CNTN5: variants seen among roughly 807,000 people sequenced by gnomAD.
The protein encoded by CNTN5 is contactin 5.
Under a neutral mutation model 129.1 loss-of-function variants are expected in CNTN5, and 77 were observed. The ratio of observed to expected loss-of-function variants is 0.60; its 90% CI spans 0.50 to 0.72. The LOEUF (loss-of-function observed/expected upper bound fraction) is 0.72. Among genes scored for constraint, CNTN5 ranks in the 30% least tolerant of loss-of-function variants. The pLI is 0.00. For synonymous variants in CNTN5, 509 were observed against 465.6 expected, an observed-to-expected ratio of 1.09 and a Z score of -1.20; for missense variants, 1,478 against 1,328.8, an observed-to-expected ratio of 1.11 and a Z score of -1.75.
At chr11:100,340,781 A>G (rs1254487747) in intron 22 of CNTN5, 132 bp downstream of exon 22, 1 of 808,184 alleles carries the variant, frequency 1.2e-6, no homozygotes, top group Non-Finnish European at 1.9e-6. Flanking sequence ...TTCAGTGCTT[A>G]GATCTGAATC....
At chr11:99,758,214 C>T (rs1944465138) in intron 3 of CNTN5, among the ~76,000 whole-genome samples, 1 of 152,022 alleles carries the variant, frequency 6.6e-6, no homozygotes, top group African/African-American at 2.4e-5. Flanking sequence ...GTTCATACCA[C>T]TTCAAACCCT....
At chr11:99,109,685 T>A (rs1252163173) in intron 1 of CNTN5, among the ~76,000 whole-genome samples, 3 of 152,130 alleles carry the variant, frequency 2.0e-5, no homozygotes, top group Non-Finnish European at 2.9e-5. Context: ...TCAGTTTACT[T>A]CCAAGCCGCT....
At chr11:99,766,894 C>G (rs528841354) in intron 3 of CNTN5, among the ~76,000 whole-genome samples, 2 of 152,108 alleles carry the variant, frequency 1.3e-5, no homozygotes, top group South Asian at 4.1e-4. Flanking sequence ...CAGATTACAA[C>G]GATATCAGCT....
rs80279434 is a variant in CNTN5 at position 100,190,972 on chromosome 11, G to C, written c.1581-154G>C. ...GTAAGCTTATTATACTTCTTGAAGG[G>C]TAAAATATTTCTACTATCACTGCAT... On this transcript the variant is annotated intron_variant, in intron 13 of 24. Transcript: ENST00000524871. Among the ~76,000 whole-genome samples the C allele has an allele frequency of 5.4e-3, 821 of 151,982 alleles. 15 individuals carry two copies. Among genetic ancestry groups the C allele is most frequent in the African/African-American group, 0.019 (784 of 41,468 alleles).
At chr11:100,281,036 ACTGT>A (rs1467626305) in intron 18 of CNTN5, among the ~76,000 whole-genome samples, 2 of 152,076 alleles carry the variant, frequency 1.3e-5, no homozygotes, top group Non-Finnish European at 2.9e-5. Context: ...ATCTTATTGT[ACTGT>A]CTATGTATTT....
At chr11:99,552,213 G>T (rs12417195) in intron 2 of CNTN5, among the ~76,000 whole-genome samples, 10,954 of 145,404 alleles carry the variant, frequency 0.075, 905 homozygotes, top group East Asian at 0.32. Flanking sequence ...GTCAGTTTTT[G>T]TGTTTTTTTT....
chr11:99,070,419 A>T (rs1028379988), intron 1 of CNTN5, among the ~76,000 whole-genome samples: 16 of 152,156 alleles, frequency 1.1e-4, no homozygotes, highest in African/African-American at 3.9e-4. Flanking sequence ...TGCAAGCAAT[A>T]CAGAAAAGTA....
At chr11:99,853,548 C>T (rs1371563420) in intron 6 of CNTN5, among the ~76,000 whole-genome samples, 5 of 151,976 alleles carry the variant, frequency 3.3e-5, no homozygotes, top group Non-Finnish European at 5.9e-5. Flanking sequence ...TACAGGCATG[C>T]GCCACCATGC....
intron 1 of CNTN5, among the ~76,000 whole-genome samples, chr11:99,165,885 T>G (rs767019645): frequency 7.2e-5 from 11 of 152,178 alleles, no homozygotes; most frequent in Non-Finnish European, 1.6e-4. Flanking sequence ...TTTCCAAGAT[T>G]GACTTAGACC....
At chr11:100,105,168 A>C (rs1357046481) in intron 13 of CNTN5, among the ~76,000 whole-genome samples, 1 of 152,202 alleles carries the variant, frequency 6.6e-6, no homozygotes, top group Non-Finnish European at 1.5e-5. Context: ...CAAAAGCTTC[A>C]TGAACTTGCC....
chr11:99,109,610 G>A (rs1857688956), intron 1 of CNTN5, among the ~76,000 whole-genome samples: 2 of 152,012 alleles, frequency 1.3e-5, no homozygotes, highest in Admixed American at 6.6e-5. Flanking sequence ...AGAAAACCAA[G>A]TGATTACAGA....
intron 2 of CNTN5, among the ~76,000 whole-genome samples, chr11:99,387,508 A>G (rs1940987586): frequency 6.6e-6 from 1 of 152,224 alleles, no homozygotes; most frequent in African/African-American, 2.4e-5. Context: ...CATTTATTAT[A>G]AGTAACAATA....
intron 1 of CNTN5, among the ~76,000 whole-genome samples, chr11:99,058,446 A>C (rs138880966): frequency 6.6e-6 from 1 of 152,098 alleles, no homozygotes; most frequent in South Asian, 2.1e-4. Flanking sequence ...CACTGTTTAC[A>C]TTTATATATA....
At chr11:99,846,103 A>G (rs1320254313) in intron 6 of CNTN5, among the ~76,000 whole-genome samples, 1 of 148,158 alleles carries the variant, frequency 6.7e-6, no homozygotes, top group African/African-American at 2.5e-5. Context: ...TGCAAAAAAG[A>G]TATTGTATGT....
chr11:100,061,488 A>G (rs1943481075), intron 10 of CNTN5, 95 bp downstream of exon 10: 1 of 865,842 alleles, frequency 1.2e-6, no homozygotes, highest in Non-Finnish European at 1.7e-6. Context: ...TTAGGTACAT[A>G]AAAACCAAGT....
chr11:99,606,795 A>G (rs1248187432), intron 3 of CNTN5, among the ~76,000 whole-genome samples: 2 of 141,604 alleles, frequency 1.4e-5, no homozygotes, highest in East Asian at 2.1e-4. Flanking sequence ...ATAATGCCGC[A>G]TATCTACAAC....
intron 3 of CNTN5, among the ~76,000 whole-genome samples, chr11:99,574,862 TTGTC>T (rs1949293811): frequency 6.6e-6 from 1 of 152,162 alleles, no homozygotes; most frequent in African/African-American, 2.4e-5. Context: ...ACTCCGTAGG[TTGTC>T]TGTTCATTCT....
At chr11:99,491,081 T>C (rs1015333902) in intron 2 of CNTN5, among the ~76,000 whole-genome samples, 2 of 152,160 alleles carry the variant, frequency 1.3e-5, no homozygotes, top group Non-Finnish European at 2.9e-5. Flanking sequence ...CTGGCTTCCA[T>C]ACTGTAATCT....
chr11:99,502,694 C>T (rs1249075943), intron 2 of CNTN5, among the ~76,000 whole-genome samples: 6 of 152,152 alleles, frequency 3.9e-5, no homozygotes, highest in Non-Finnish European at 7.4e-5. Flanking sequence ...TGAACTAATA[C>T]ACCCCAACAG....
Sources: allele counts gnomAD v4.1 joint callset (sites outside exome capture counted in the v4.1 genomes callset), GRCh38; gene constraint gnomAD v4.1.1; transcripts MANE v1.5; gene names NCBI Gene and HGNC (gene_info 2026-07-23, HGNC 2026-07-21).